Variants in ENAH observed in about 807,000 individuals in gnomAD.
ENAH encodes protein enabled homolog.
Under a neutral mutation model 78.7 loss-of-function variants are expected in ENAH, and 23 were observed. That is an observed-to-expected ratio of 0.29 (90% CI 0.21 to 0.41). ENAH has a LOEUF of 0.41. Among genes scored for constraint, ENAH ranks in the 10% least tolerant of loss-of-function variants. The pLI, the probability that ENAH is intolerant of heterozygous loss-of-function variation, is 1.00. For synonymous variants in ENAH, 226 were observed against 241.0 expected, an observed-to-expected ratio of 0.94 and a Z score of 0.58; for missense variants, 544 against 691.0, an observed-to-expected ratio of 0.79 and a Z score of 2.39.
chr1:225,499,067 A>G (rs2096266568), intron 12 of ENAH, among the ~76,000 whole-genome samples: 1 of 152,230 alleles, frequency 6.6e-6, no homozygotes, highest in Non-Finnish European at 1.5e-5. Context: ...ACCAGATTCC[A>G]AAGATTTAGT....
intron 2 of ENAH, among the ~76,000 whole-genome samples, chr1:225,555,986 A>C (rs144877325): frequency 3.9e-5 from 6 of 152,176 alleles, no homozygotes; most frequent in South Asian, 2.1e-4. Flanking sequence ...ACATGTATTA[A>C]ACGTATCTGC....
intron 2 of ENAH, among the ~76,000 whole-genome samples, chr1:225,565,398 G>A (rs1422800358): frequency 6.6e-6 from 1 of 151,732 alleles, no homozygotes; most frequent in African/African-American, 2.4e-5. Flanking sequence ...TCACGCCATT[G>A]CACTCCACCC....
intron 5 of ENAH, chr1:225,518,980 TC>T: frequency 1.4e-6 from 1 of 707,950 alleles, no homozygotes. Context: ...AATAAAAATT[TC>T]CAAGAGCTTT....
intron 1 of ENAH, among the ~76,000 whole-genome samples, chr1:225,634,778 G>C (rs1259538655): frequency 4.6e-5 from 7 of 152,142 alleles, no homozygotes; most frequent in Non-Finnish European, 1.0e-4. Flanking sequence ...CTGGTCTATA[G>C]GTATGTCCTT....
In ENAH at chr1:225,511,073, G is replaced by A. The variant is rs112474650; in HGVS notation, c.1471+738C>T. 2.4e-3 allele frequency among the ~76,000 whole-genome samples: 363 copies of A among 152,182 alleles called. 2 individuals are homozygous for A. The highest frequency in any genetic ancestry group is 8.3e-3 in the African/African-American group (343 of 41,530). On this transcript the variant is annotated intron_variant, in intron 10 of 13. Coordinates refer to ENST00000366843, the MANE Select transcript of ENAH (RefSeq NM_018212.6). Reference sequence around the variant, plus strand: ...AAGGGAACTGTAGATGCAGCTGGTTGTCTTTAAATCAAAACTGTAGGAATA... The same window carrying A: ...AAGGGAACTGTAGATGCAGCTGGTTATCTTTAAATCAAAACTGTAGGAATA...
chr1:225,543,383 T>C (rs1359664061), intron 3 of ENAH, among the ~76,000 whole-genome samples: 5 of 152,240 alleles, frequency 3.3e-5, no homozygotes, highest in Admixed American at 6.5e-5. Context: ...TCTTCCTACA[T>C]GAATGACAAT....
At chr1:225,614,489 G>C (rs1418000641) in intron 1 of ENAH, among the ~76,000 whole-genome samples, 5 of 152,196 alleles carry the variant, frequency 3.3e-5, no homozygotes, top group Admixed American at 6.5e-5. Context: ...GCTGCACTTG[G>C]ATGTGTTCTT....
intron 2 of ENAH, among the ~76,000 whole-genome samples, chr1:225,560,434 T>G (rs890366508): frequency 2.0e-5 from 3 of 151,074 alleles, no homozygotes; most frequent in African/African-American, 7.3e-5. Context: ...AAGGTTGCAG[T>G]GAGCCGAGAT....
chr1:225,578,541 C>A (rs892909746), intron 1 of ENAH, among the ~76,000 whole-genome samples: 2 of 152,150 alleles, frequency 1.3e-5, no homozygotes, highest in Non-Finnish European at 2.9e-5. Context: ...AGGGTGGGAA[C>A]CTGCTCTGTG....
chr1:225,534,442 T>G (rs555933767), intron 3 of ENAH, among the ~76,000 whole-genome samples: 1 of 152,060 alleles, frequency 6.6e-6, no homozygotes, highest in African/African-American at 2.4e-5. Context: ...TTAAAGAAAT[T>G]TGCAACACGT....
At position 225,494,855 on chromosome 1, in the gene ENAH, A is replaced by C. The variant is rs1434114161; in HGVS notation, c.*2920T>G. On this transcript the variant is annotated 3_prime_UTR_variant, in exon 14 of 14. Coordinates refer to ENST00000366843, the MANE Select transcript of ENAH (RefSeq NM_018212.6). Reference sequence around the variant, plus strand: ...TTATTTCAATCGCACAAACGAAGTTAGCGTGTAGGAAACTTAAATGAAACA... The same window carrying C: ...TTATTTCAATCGCACAAACGAAGTTCGCGTGTAGGAAACTTAAATGAAACA... The C allele has an allele frequency of 6.5e-6, 1 of 152,682 alleles. No homozygotes were observed. Among genetic ancestry groups the C allele is most frequent in the African/African-American group, 2.4e-5 (1 of 41,466 alleles). 9.5% of individuals were successfully genotyped at this position (152,682 alleles called of 1,614,324 possible). A position where few individuals can be genotyped will look rare whatever the true frequency, so the allele number is the denominator to read the frequency against.
At position 225,530,560 on chromosome 1, in the gene ENAH, T is replaced by C; in HGVS notation, c.428A>G (p.Gln143Arg). The change falls in exon 4 of 14, where the codon CAA (glutamine) becomes CGA (arginine). Residue 143 changes from glutamine (Q) to arginine (R), a missense_variant. By Grantham distance (43) the Gln-to-Arg change is conservative. Transcript: ENST00000366843. Reference protein sequence around the residue: ...NGPSQEELEIQRRQLQEQQRQ... With the variant: ...NGPSQEELEIRRRQLQEQQRQ... ...CAATAACTTGAAAATTTACCTTCTTTGAATTTCCAATTCTTCTTGGGATGG... is the reference window on the plus strand; with the variant it reads ...CAATAACTTGAAAATTTACCTTCTTCGAATTTCCAATTCTTCTTGGGATGG... 1 of 1,611,988 alleles carries C rather than the reference T, an allele frequency of 6.2e-7. No individual in the cohort carries two copies. The highest frequency in any genetic ancestry group is 1.1e-5 in the South Asian group (1 of 90,996).
chr1:225,558,734 C>T (rs547132462), intron 2 of ENAH, among the ~76,000 whole-genome samples: 11 of 145,828 alleles, frequency 7.5e-5, no homozygotes, highest in African/African-American at 2.3e-4. Context: ...CCCAGGTTCA[C>T]GCCATTCTCC....
chr1:225,505,882 T>C (rs1369675281), intron 11 of ENAH, among the ~76,000 whole-genome samples: 3 of 152,094 alleles, frequency 2.0e-5, no homozygotes, highest in Non-Finnish European at 4.4e-5. Flanking sequence ...TGGAACATGA[T>C]TATGGTGCAC....
At chr1:225,607,532 A>C (rs922721970) in intron 1 of ENAH, among the ~76,000 whole-genome samples, 1 of 150,030 alleles carries the variant, frequency 6.7e-6, no homozygotes, top group South Asian at 2.1e-4. Flanking sequence ...AAAAAAAAAA[A>C]ACACCTGGTT....
chr1:225,602,681 C>T (rs2096936989), intron 1 of ENAH, among the ~76,000 whole-genome samples: 1 of 152,052 alleles, frequency 6.6e-6, no homozygotes, highest in Admixed American at 6.6e-5. Flanking sequence ...AAGCCTTTCC[C>T]TATGTCAACA....
At chr1:225,640,964 C>T (rs1356803278) in intron 1 of ENAH, among the ~76,000 whole-genome samples, 2 of 146,804 alleles carry the variant, frequency 1.4e-5, no homozygotes, top group East Asian at 2.0e-4. Flanking sequence ...GGCGCGATCT[C>T]GGCTCACTGC....
intron 2 of ENAH, among the ~76,000 whole-genome samples, chr1:225,565,640 CTT>C (rs1174880684): frequency 2.2e-4 from 34 of 151,424 alleles, no homozygotes; most frequent in Non-Finnish European, 4.4e-5. Context: ...GTCCAGTTTT[CTT>C]TTTTTTTCCC....
At chr1:225,614,696 C>A (rs1156258552) in intron 1 of ENAH, among the ~76,000 whole-genome samples, 1 of 152,126 alleles carries the variant, frequency 6.6e-6, no homozygotes, top group Non-Finnish European at 1.5e-5. Context: ...TCCAGGAGCC[C>A]CAGCCACCAG....
Sources: gnomAD v4.1 joint callset for allele counts (sites outside exome capture counted in the v4.1 genomes callset) on GRCh38, gnomAD v4.1.1 for gene constraint, MANE v1.5 for transcripts, NCBI Gene and HGNC (gene_info 2026-07-23, HGNC 2026-07-21) for gene names.